DNAH17: variants seen among roughly 807,000 people sequenced by gnomAD.
DNAH17 encodes dynein axonemal heavy chain 17.
A neutral mutation model predicts 485.6 loss-of-function variants in DNAH17; 376 were observed. The observed-to-expected ratio is 0.77, with a 90% CI of 0.71 to 0.84. The LOEUF is 0.84. Ranked by LOEUF, DNAH17 falls within the 40% of genes least tolerant of loss-of-function variation. DNAH17 has a pLI of 0.00. For synonymous variants in DNAH17, 3,031 were observed against 2,405.9 expected (o/e 1.26, Z -7.60); for missense variants, 6,370 against 5,839.3 (o/e 1.09, Z -2.96).
Position 78,571,610 on chromosome 17 carries a change from G to A in DNAH17, c.712C>T (p.Leu238Phe). The change falls in exon 4 of 81, where the codon CTC (leucine) becomes TTC (phenylalanine). Residue 238 changes from leucine (L) to phenylalanine (F), a missense_variant. Physicochemically the swap from Leu to Phe is conservative, Grantham distance 22 (BLOSUM62 0). Coordinates refer to ENST00000389840, the MANE Select transcript of DNAH17 (RefSeq NM_173628.4). ...FEFWDTRLLN[L>F]KCIHEQLNRP... ...CGTACCTGTTCATGGATGCACTTGA[G>A]GTTCAGCAGCCGAGTGTCCCAGAAC... The A allele has an allele frequency of 1.9e-6, 3 of 1,613,946 alleles. No homozygotes were observed. The highest frequency in any genetic ancestry group is 2.5e-6 in the Non-Finnish European group (3 of 1,179,900).
rs1436605020 is a variant in DNAH17 at position 78,461,554 on chromosome 17, A to C, written c.9329T>G (p.Val3110Gly). The part of the protein sequence containing the change: ...IADQEEVKVE[V>G]INKNVTEKQK... ...GCTGCCTTCACCTACCTTATTGATGACCTCGACCTTGACTTCTTCCTGGTC... is the reference window on the plus strand; with the variant it reads ...GCTGCCTTCACCTACCTTATTGATGCCCTCGACCTTGACTTCTTCCTGGTC... Residue 3110 changes from valine to glycine, a missense_variant, in exon 58 of 81, where the codon GTC becomes GGC. Transcript: ENST00000389840. 3 of 1,591,744 alleles carry C rather than the reference A, an allele frequency of 1.9e-6. No individual in the cohort carries two copies. Among genetic ancestry groups the C allele is most frequent in the Non-Finnish European group, 2.6e-6 (3 of 1,170,428 alleles).
At chr17:78,458,387 G>A in intron 62 of DNAH17, 178 bp downstream of exon 62, 1 of 611,138 alleles carries the variant, frequency 1.6e-6, no homozygotes, top group Non-Finnish European at 2.9e-6. Flanking sequence ...TTTTGTGGAG[G>A]CCACTGACTA....
chr17:78,426,362 C>T (rs1437567314), intron 79 of DNAH17, 95 bp downstream of exon 79: 1 of 1,393,954 alleles, frequency 7.2e-7, no homozygotes, highest in South Asian at 1.6e-5. Flanking sequence ...AGCCTCCTGG[C>T]CATGCTCCTG....
intron 75 of DNAH17, among the ~76,000 whole-genome samples, chr17:78,432,725 G>A (rs1032882212): frequency 2.0e-5 from 3 of 152,200 alleles, no homozygotes; most frequent in African/African-American, 7.2e-5. Flanking sequence ...CAGGTCTTGA[G>A]CTTTATTACA....
rs756003913 is a variant in DNAH17 at position 78,491,555 on chromosome 17, A to G, written c.6557T>C (p.Ile2186Thr). Residue 2186 changes from isoleucine (I) to threonine (T), a missense_variant, in exon 43 of 81, where the codon ATC becomes ACC. Physicochemically the swap from Ile to Thr is moderately conservative, Grantham distance 89. Coordinates refer to ENST00000389840, the MANE Select transcript of DNAH17 (RefSeq NM_173628.4). ...REWKDGLFST[I>T]MRDLANITHD... is the part of the protein sequence containing the mutation. Reference sequence around the variant, plus strand: ...GGTGATGTTGGCCAGGTCTCGCATGATGGTGGAGAACAGGCCTGGGGGAGG... The same window carrying G: ...GGTGATGTTGGCCAGGTCTCGCATGGTGGTGGAGAACAGGCCTGGGGGAGG... 5.6e-6 allele frequency: 9 copies of G among 1,613,830 alleles called. No individual in the cohort carries two copies. The highest frequency in any genetic ancestry group is 5.1e-6 in the Non-Finnish European group (6 of 1,179,910).
intron 19 of DNAH17, among the ~76,000 whole-genome samples, chr17:78,534,346 A>C (rs532651899): frequency 6.6e-6 from 1 of 152,192 alleles, no homozygotes; most frequent in Non-Finnish European, 1.5e-5. Context: ...GAGGAGGTGA[A>C]GTCAGTGGGG....
At chr17:78,536,008 TTTG>T (rs1364235144) in intron 19 of DNAH17, among the ~76,000 whole-genome samples, 2 of 152,036 alleles carry the variant, frequency 1.3e-5, no homozygotes, top group Admixed American at 6.5e-5. Flanking sequence ...TCCCATGACT[TTTG>T]TTGTCCTTCC....
At chr17:78,542,618 G>C (rs1208513644) in intron 17 of DNAH17, among the ~76,000 whole-genome samples, 1 of 152,172 alleles carries the variant, frequency 6.6e-6, no homozygotes, top group South Asian at 2.1e-4. Context: ...AAAGCACCCA[G>C]GAATGCCAGT....
At chr17:78,570,497 G>C (rs2092336254) in intron 6 of DNAH17, 125 bp from the exon 7 acceptor site, 5 of 1,262,542 alleles carry the variant, frequency 4.0e-6, no homozygotes, top group Non-Finnish European at 5.3e-6. Context: ...AAGAGGAGGG[G>C]AGAGGCAACT....
intron 14 of DNAH17, among the ~76,000 whole-genome samples, chr17:78,554,436 C>CAAAAAAAAAAAAAAAAAAAAAAAAAAA (rs55701739): frequency 3.1e-5 from 1 of 32,238 alleles, no homozygotes; most frequent in Non-Finnish European, 5.6e-5. Flanking sequence ...GACTCTGTCT[C>CAAAAAAAAAAAAAAAAAAAAAAAAAAA]AAAAAAAAAA....
At chr17:78,536,257 G>A (rs1054902807) in intron 19 of DNAH17, among the ~76,000 whole-genome samples, 3 of 151,874 alleles carry the variant, frequency 2.0e-5, no homozygotes, top group African/African-American at 4.8e-5. Flanking sequence ...GGCCAACATG[G>A]TGAAACCCCG....
intron 37 of DNAH17, among the ~76,000 whole-genome samples, chr17:78,497,397 C>T (rs188181619): frequency 1.1e-3 from 167 of 152,324 alleles, no homozygotes; most frequent in African/African-American, 3.8e-3. Flanking sequence ...GTCTGCTGAG[C>T]GTGCAGCTTG....
At chr17:78,508,587 G>C (rs2090551208) in intron 27 of DNAH17, among the ~76,000 whole-genome samples, 1 of 152,068 alleles carries the variant, frequency 6.6e-6, no homozygotes, top group Non-Finnish European at 1.5e-5. Flanking sequence ...TAAAAGCATA[G>C]TGAAAATGTT....
intron 54 of DNAH17, among the ~76,000 whole-genome samples, chr17:78,470,098 G>T (rs1313814640): frequency 9.4e-6 from 1 of 106,340 alleles, no homozygotes; most frequent in East Asian, 2.7e-4. Context: ...TTTTGAGACA[G>T]TCTCTCACTC....
intron 69 of DNAH17, among the ~76,000 whole-genome samples, chr17:78,447,044 C>G (rs2146480611): frequency 6.6e-6 from 1 of 152,062 alleles, no homozygotes; most frequent in African/African-American, 2.4e-5. Context: ...GCTCAAGTGA[C>G]CCGCCTATCT....
chr17:78,550,209 C>T (rs369416061), intron 16 of DNAH17, among the ~76,000 whole-genome samples: 1 of 152,204 alleles, frequency 6.6e-6, no homozygotes, highest in Non-Finnish European at 1.5e-5. Flanking sequence ...CGACGTCCAG[C>T]GGACATTAAC....
Position 78,561,806 on chromosome 17 carries a change from T to C in DNAH17, c.1744A>G (p.Met582Val). Residue 582 changes from methionine (M) to valine (V), a missense_variant, in exon 12 of 81, where the codon ATG (methionine) becomes GTG (valine). By Grantham distance (21) the Met-to-Val change is conservative. Coordinates refer to ENST00000389840, the MANE Select transcript of DNAH17 (RefSeq NM_173628.4). ...EGNIPLIHKN[M>V]PPVAGQLKWS... is the part of the protein sequence containing the mutation. ...TTGAGCTGCCCGGCCACGGGAGGCA[T>C]GTTTTTGTGGATCAGGGGGATGTTC... 1 of 1,613,846 alleles carries C rather than the reference T, an allele frequency of 6.2e-7. No homozygotes were observed. Among genetic ancestry groups the C allele is most frequent in the Non-Finnish European group, 8.5e-7 (1 of 1,179,828 alleles).
At chr17:78,478,277 TCACCATTATCATCTCCACCAC>T (rs2089177823) in intron 51 of DNAH17, among the ~76,000 whole-genome samples, 11 of 128,526 alleles carry the variant, frequency 8.6e-5, no homozygotes, top group Non-Finnish European at 1.1e-4. Context: ...TCCACCACCA[TCACCATTATCATCTCCACCAC>T]CATCACCACA....
chr17:78,453,278 C>G lies in DNAH17; in HGVS notation c.10529+65G>C. 3.2e-6 allele frequency: 5 copies of G among 1,580,786 alleles called. No homozygotes were observed. In the South Asian group the frequency reaches 5.7e-5, roughly 18 times the overall value. ...ATTCCGGGCGTTTTCTCTACATGCA[C>G]ACGCCCAGGCCTCGGGCCTGAAGAT... is the stretch of plus-strand genomic sequence containing the variant. On this transcript the variant is annotated intron_variant, in intron 65 of 80. Transcript: ENST00000389840.
Sources: gnomAD v4.1 joint callset for allele counts (sites outside exome capture counted in the v4.1 genomes callset) on GRCh38, gnomAD v4.1.1 for gene constraint, MANE v1.5 for transcripts, NCBI Gene and HGNC (gene_info 2026-07-23, HGNC 2026-07-21) for gene names.